The following MEOX2 variants were observed in gnomAD, a reference collection of about 807,000 sequenced individuals.
The protein encoded by MEOX2 is homeobox protein MOX-2.
MEOX2 carries 11 observed loss-of-function variants against 27.0 expected under a neutral mutation model. That is an observed-to-expected ratio of 0.41 (90% confidence interval 0.26 to 0.68). MEOX2 has a LOEUF of 0.68. MEOX2 is among the 30% of genes least tolerant of loss of function. The probability of loss-of-function intolerance (pLI) is 0.33; values close to 1 mark genes in which losing one functional copy is unlikely to be tolerated. For synonymous variants in MEOX2, 189 were observed against 155.4 expected, an observed-to-expected ratio of 1.22 and a Z score of -1.61; for missense variants, 436 against 385.4, an observed-to-expected ratio of 1.13 and a Z score of -1.10.
intron 1 of MEOX2, among the ~76,000 whole-genome samples, chr7:15,668,515 T>A (rs1782045057): frequency 6.6e-6 from 1 of 152,112 alleles, no homozygotes; most frequent in Admixed American, 6.6e-5. Flanking sequence ...AGAGTTTTGC[T>A]CTGTCGCCCA....
chr7:15,670,893 C>T (rs1020914751), intron 1 of MEOX2, among the ~76,000 whole-genome samples: 1 of 152,106 alleles, frequency 6.6e-6, no homozygotes, highest in Non-Finnish European at 1.5e-5. Context: ...TGGTAATTCT[C>T]AACTTTGTCT....
At chr7:15,678,809 T>C (rs753462235) in intron 1 of MEOX2, 6 of 152,244 alleles carry the variant, frequency 3.9e-5, no homozygotes, top group Admixed American at 6.5e-5. Flanking sequence ...CAACCTAAGC[T>C]GGACCCTCCT....
chr7:15,672,855 G>A (rs1193911563), intron 1 of MEOX2, among the ~76,000 whole-genome samples: 17 of 150,434 alleles, frequency 1.1e-4, no homozygotes, highest in South Asian at 2.1e-4. Flanking sequence ...TCGTGCCACC[G>A]CACTCCAGCC....
At position 15,680,191 on chromosome 7, in the gene MEOX2, CAA is replaced by C. The variant is rs1360044166; in HGVS notation, c.517+5693_517+5694del. 8.6e-5 allele frequency: 13 copies of C among 151,810 alleles called. No homozygotes were observed. In the East Asian group the frequency reaches 2.5e-3, roughly 29 times the overall value. 9.4% of individuals were successfully genotyped at this position (151,810 alleles called of 1,614,324 possible). On this transcript the variant is annotated intron_variant, in intron 1 of 2. Coordinates refer to ENST00000262041, the MANE Select transcript of MEOX2 (RefSeq NM_005924.5). ...CTGTTAATTTGGTAATAAATAATGT[CAA>C]GAGATTTTAAATGAAAATACTTATT...
intron 1 of MEOX2, among the ~76,000 whole-genome samples, chr7:15,644,009 G>A (rs980821953): frequency 6.6e-6 from 1 of 152,168 alleles, no homozygotes; most frequent in African/African-American, 2.4e-5. Context: ...TTGCAGGGGT[G>A]GCTGGAAGGC....
intron 1 of MEOX2, chr7:15,679,248 C>T (rs1226117926): frequency 1.3e-5 from 2 of 151,914 alleles, no homozygotes; most frequent in African/African-American, 4.8e-5. Context: ...AAGTAAACGC[C>T]TTCTTTTAAC....
At chr7:15,620,569 A>C (rs1477867089) in intron 2 of MEOX2, among the ~76,000 whole-genome samples, 2 of 151,964 alleles carry the variant, frequency 1.3e-5, no homozygotes, top group Non-Finnish European at 2.9e-5. Flanking sequence ...AACAACAACA[A>C]CAACAAAAAA....
At chr7:15,685,546 T>C (rs1467751471) in intron 1 of MEOX2, among the ~76,000 whole-genome samples, 4 of 152,152 alleles carry the variant, frequency 2.6e-5, no homozygotes, top group African/African-American at 9.7e-5. Flanking sequence ...GCTGCATCCC[T>C]GGGCGCACGC....
intron 2 of MEOX2, among the ~76,000 whole-genome samples, chr7:15,619,604 A>G (rs1215553656): frequency 6.6e-6 from 1 of 151,948 alleles, no homozygotes; most frequent in Non-Finnish European, 1.5e-5. Flanking sequence ...GTGTATATAT[A>G]CACATATGCA....
At chr7:15,646,408 A>T (rs770814297) in intron 1 of MEOX2, among the ~76,000 whole-genome samples, 14 of 152,032 alleles carry the variant, frequency 9.2e-5, no homozygotes, top group Non-Finnish European at 1.9e-4. Flanking sequence ...CTACACAGCT[A>T]CTTCTTCCTG....
intron 2 of MEOX2, among the ~76,000 whole-genome samples, chr7:15,621,471 T>G (rs1341844292): frequency 6.6e-6 from 1 of 152,176 alleles, no homozygotes; most frequent in Non-Finnish European, 1.5e-5. Context: ...TTATGGAAGA[T>G]GCAAATGTAA....
At chr7:15,628,497 C>A (rs999344703) in intron 1 of MEOX2, among the ~76,000 whole-genome samples, 1 of 152,106 alleles carries the variant, frequency 6.6e-6, no homozygotes, top group South Asian at 2.1e-4. Context: ...ATTCACTGAC[C>A]ACGTTTCTGG....
At chr7:15,625,871 A>C (rs1171783294) in intron 2 of MEOX2, among the ~76,000 whole-genome samples, 1 of 152,206 alleles carries the variant, frequency 6.6e-6, no homozygotes, top group African/African-American at 2.4e-5. Context: ...AAAGCAATTA[A>C]TTTAAAAATA....
At chr7:15,642,159 T>C (rs932585673) in intron 1 of MEOX2, among the ~76,000 whole-genome samples, 8 of 152,166 alleles carry the variant, frequency 5.3e-5, no homozygotes, top group African/African-American at 1.9e-4. Context: ...TTTACCTCTC[T>C]AGCAATATTA....
chr7:15,633,044 C>T (rs1781426019), intron 1 of MEOX2, among the ~76,000 whole-genome samples: 2 of 151,914 alleles, frequency 1.3e-5, no homozygotes, highest in Admixed American at 6.6e-5. Context: ...GAGGGTACCA[C>T]TTCTGTCAGC....
chr7:15,672,746 G>C (rs1343637273), intron 1 of MEOX2, among the ~76,000 whole-genome samples: 6 of 151,872 alleles, frequency 4.0e-5, no homozygotes, highest in Non-Finnish European at 8.8e-5. Context: ...CAAAAAATTA[G>C]CCGGGTATGG....
At chr7:15,642,669 G>A (rs1441851544) in intron 1 of MEOX2, among the ~76,000 whole-genome samples, 3 of 152,190 alleles carry the variant, frequency 2.0e-5, no homozygotes, top group South Asian at 4.1e-4. Context: ...CTTTGAGGGT[G>A]TCAGAGCATT....
intron 1 of MEOX2, among the ~76,000 whole-genome samples, chr7:15,673,861 A>G (rs1037657034): frequency 2.6e-5 from 4 of 152,264 alleles, no homozygotes; most frequent in South Asian, 2.1e-4. Context: ...TTAGATATTC[A>G]CATTAGAAAA....
At chr7:15,629,003 T>C (rs1192165124) in intron 1 of MEOX2, among the ~76,000 whole-genome samples, 1 of 152,078 alleles carries the variant, frequency 6.6e-6, no homozygotes, top group African/African-American at 2.4e-5. Flanking sequence ...TTATTCTTTA[T>C]GTGGAGACAA....
Sources: gnomAD v4.1 joint callset for allele counts (sites outside exome capture counted in the v4.1 genomes callset) on GRCh38, gnomAD v4.1.1 for gene constraint, MANE v1.5 for transcripts, NCBI Gene and HGNC (gene_info 2026-07-23, HGNC 2026-07-21) for gene names.